PARP8: variants seen among roughly 807,000 people sequenced by gnomAD.
PARP8 encodes the protein poly(ADP-ribose) polymerase family member 8, also known as protein mono-ADP-ribosyltransferase PARP8.
Under a neutral mutation model 124.1 loss-of-function variants are expected in PARP8, and 51 were observed. That is an observed-to-expected ratio of 0.41 (90% CI 0.33 to 0.52). The LOEUF (loss-of-function observed/expected upper bound fraction) is 0.52, where lower values mean the gene tolerates loss of function less well. PARP8 is among the 20% of genes least tolerant of loss of function. The probability of loss-of-function intolerance (pLI) is 0.21; values close to 1 mark genes in which losing one functional copy is unlikely to be tolerated. For synonymous variants in PARP8, 391 were observed against 361.5 expected (o/e 1.08, Z -0.93); for missense variants, 860 against 1,018.9 (o/e 0.84, Z 2.12).
chr5:50,819,722 G>C (rs1745549481), intron 15 of PARP8, among the ~76,000 whole-genome samples: 1 of 152,042 alleles, frequency 6.6e-6, no homozygotes, highest in Admixed American at 6.5e-5. Context: ...TAGGATTACA[G>C]GCGTGAGCCA....
Position 50,794,084 on chromosome 5 carries a change from C to T in PARP8, c.738-123C>T, listed in dbSNP as rs937053313. ...AAAATCTTGTATGATTCTAAATTAG[C>T]GTCTCACTGATTTCTATGTGTTTGC... On this transcript the variant is annotated intron_variant, in intron 10 of 25. Transcript: ENST00000281631. 13 of 1,024,842 alleles carry T rather than the reference C, an allele frequency of 1.3e-5. No homozygotes were observed. The Admixed American group carries it at 1.7e-4, about 14-fold the overall frequency. 63.5% of individuals were successfully genotyped at this position (1,024,842 alleles called of 1,614,324 possible).
chr5:50,738,543 A>G (rs1757703734), intron 2 of PARP8, among the ~76,000 whole-genome samples: 1 of 152,178 alleles, frequency 6.6e-6, no homozygotes, highest in Non-Finnish European at 1.5e-5. Context: ...GAAACATCTC[A>G]AGCACTTTAA....
rs1386689726 is a variant in PARP8, at chr5:50,797,225, A to G, written c.1567A>G (p.Met523Val). The G allele has an allele frequency of 5.6e-6, 9 of 1,605,252 alleles. No homozygotes were observed. Among genetic ancestry groups the G allele is most frequent in the Non-Finnish European group, 7.7e-6 (9 of 1,173,586 alleles). ...DEPHVFQNGPMLRPTVCEREL... is the reference protein window; with the variant it reads ...DEPHVFQNGPVLRPTVCEREL... ...GCCACATGTGTTTCAAAATGGCCCT[A>G]TGCTTAGGGTAAGTTCTTGCTGATA... Residue 523 changes from methionine (M) to valine (V), a missense_variant, in exon 14 of 26, where the codon ATG (methionine) becomes GTG (valine). Transcript: ENST00000281631.
At chr5:50,782,695 G>T (rs1000697075) in intron 9 of PARP8, among the ~76,000 whole-genome samples, 20 of 152,152 alleles carry the variant, frequency 1.3e-4, no homozygotes, top group Admixed American at 3.3e-4. Flanking sequence ...CAGATGAACT[G>T]CCCAATCTCA....
chr5:50,736,120 C>A (rs1355814418), intron 2 of PARP8, among the ~76,000 whole-genome samples: 3 of 152,010 alleles, frequency 2.0e-5, no homozygotes, highest in East Asian at 3.9e-4. Flanking sequence ...ACAATAACAA[C>A]AATCAATGAA....
At chr5:50,773,406 C>T (rs1223055984) in intron 7 of PARP8, among the ~76,000 whole-genome samples, 1 of 152,138 alleles carries the variant, frequency 6.6e-6, no homozygotes, top group Non-Finnish European at 1.5e-5. Flanking sequence ...ACAGTTTTCC[C>T]AGCACCATTT....
rs141434751 is a variant in PARP8, at chr5:50,725,077, G to GTA, written c.147-25059_147-25058dup. Reference sequence around the variant, plus strand: ...GTAGTATTCCATTGTGTGTGTATGTGTATATATATATATATACACATATGT... The same window carrying GTA: ...GTAGTATTCCATTGTGTGTGTATGTGTATATATATATATATATACACATATGT... On this transcript the variant is annotated intron_variant, in intron 2 of 25. Transcript: ENST00000281631. Among the ~76,000 whole-genome samples, 580 of 148,276 alleles carry GTA rather than the reference G, an allele frequency of 3.9e-3. 2 individuals carry two copies. Among genetic ancestry groups the GTA allele is most frequent in the African/African-American group, 0.012 (495 of 40,192 alleles).
In PARP8 at chr5:50,769,719, T is replaced by A. The variant is rs1299076822; in HGVS notation, c.518+6477T>A. 2.0e-5 allele frequency among the ~76,000 whole-genome samples: 3 copies of A among 151,658 alleles called. No homozygotes were observed. The East Asian group carries it at 5.8e-4, about 29-fold the overall frequency. ...GCAATATGGGAAAAACAGCTGATGA[T>A]AGAAGAAGTGAAAGAACAGAACCAC... is the stretch of plus-strand genomic sequence containing the variant. On this transcript the variant is annotated intron_variant, in intron 7 of 25. Transcript: ENST00000281631.
At chr5:50,696,780 C>G (rs1753075571) in intron 2 of PARP8, among the ~76,000 whole-genome samples, 1 of 152,092 alleles carries the variant, frequency 6.6e-6, no homozygotes, top group South Asian at 2.1e-4. Context: ...CTGCTTGCCC[C>G]CTAATCTGTT....
intron 14 of PARP8, among the ~76,000 whole-genome samples, chr5:50,808,239 A>G (rs1744078184): frequency 1.3e-5 from 2 of 151,642 alleles, no homozygotes; most frequent in Non-Finnish European, 2.9e-5. Flanking sequence ...TGGGAACTTC[A>G]GTATTTAAAG....
In PARP8 at chr5:50,731,648, C is replaced by T. The variant is rs543830391; in HGVS notation, c.147-18503C>T. ...TTGGGAAAGCATGAGGTATAGGACT[C>T]AACCCTTTGGTATATATTTATAGAT... is the stretch of plus-strand genomic sequence containing the variant. On this transcript the variant is annotated intron_variant, in intron 2 of 25. Transcript: ENST00000281631. 2.6e-5 allele frequency among the ~76,000 whole-genome samples: 4 copies of T among 152,196 alleles called. No individual in the cohort carries two copies. In the South Asian group the frequency reaches 6.2e-4, roughly 24 times the overall value.
Position 50,773,984 on chromosome 5 carries a change from G to A in PARP8, c.519-4085G>A, listed in dbSNP as rs186003434. On this transcript the variant is annotated intron_variant, in intron 7 of 25. Transcript: ENST00000281631. ...GGTTTTCCTAGGCAGAGGTCCCTGC[G>A]GCCTTCCACAGTGTTTGTGTCCCTG... Among the ~76,000 whole-genome samples the A allele has an allele frequency of 6.3e-3, 954 of 152,064 alleles. 8 individuals carry two copies. The highest frequency in any genetic ancestry group is 9.9e-3 in the Admixed American group (152 of 15,288).
intron 2 of PARP8, among the ~76,000 whole-genome samples, chr5:50,736,617 G>A (rs1360878537): frequency 6.6e-6 from 1 of 152,132 alleles, no homozygotes; most frequent in Non-Finnish European, 1.5e-5. Context: ...TTAACTTACT[G>A]AGATACATAT....
At chr5:50,721,422 C>T (rs969578685) in intron 2 of PARP8, among the ~76,000 whole-genome samples, 2 of 151,962 alleles carry the variant, frequency 1.3e-5, no homozygotes, top group Non-Finnish European at 2.9e-5. Context: ...AGTTATTGTG[C>T]CTTCTGTTGT....
Position 50,666,770 on chromosome 5 carries a change from T to G in PARP8, c.-326T>G. 3.6e-6 allele frequency: 3 copies of G among 822,812 alleles called. No homozygotes were observed. Among genetic ancestry groups the G allele is most frequent in the Non-Finnish European group, 4.7e-6 (3 of 643,826 alleles). The allele number at this position is 822,812 out of a possible 1,614,324, so 51.0% of individuals were successfully genotyped here. The stretch of plus-strand genomic sequence containing the variant: ...CCGGCACCTCGGCCCCCACGGCCGT[T>G]GGTCCGGGCGGGTGAGGGAGAAAGT... On this transcript the variant is annotated 5_prime_UTR_variant, in exon 1 of 26. Coordinates refer to ENST00000281631, the MANE Select transcript of PARP8 (RefSeq NM_024615.4).
At chr5:50,772,770 C>T (rs1257761691) in intron 7 of PARP8, among the ~76,000 whole-genome samples, 1 of 152,148 alleles carries the variant, frequency 6.6e-6, no homozygotes, top group Non-Finnish European at 1.5e-5. Context: ...CATCTTGGCT[C>T]ACTGCAACCT....
intron 3 of PARP8, among the ~76,000 whole-genome samples, chr5:50,754,781 C>A (rs1377131199): frequency 3.3e-5 from 5 of 152,196 alleles, no homozygotes; most frequent in Admixed American, 1.3e-4. Context: ...AATGGTTGAA[C>A]TAGTTTACAG....
intron 2 of PARP8, among the ~76,000 whole-genome samples, chr5:50,708,335 A>G (rs767176318): frequency 3.5e-4 from 53 of 152,034 alleles, no homozygotes; most frequent in Non-Finnish European, 6.8e-4. Flanking sequence ...TCTGGATGCC[A>G]TATTCTTCTT....
intron 2 of PARP8, chr5:50,741,795 T>C (rs1296069326): frequency 2.3e-6 from 1 of 432,850 alleles, no homozygotes; most frequent in East Asian, 7.1e-5. Flanking sequence ...GAGAAAGATG[T>C]GTTTTCTTTT....
Sources: gnomAD v4.1 joint callset for allele counts (sites outside exome capture counted in the v4.1 genomes callset) on GRCh38, gnomAD v4.1.1 for gene constraint, MANE v1.5 for transcripts, NCBI Gene and HGNC (gene_info 2026-07-23, HGNC 2026-07-21) for gene names.